The following SRGAP3 variants were observed in gnomAD, a reference collection of about 807,000 sequenced individuals.
SRGAP3 encodes SLIT-ROBO Rho GTPase activating protein 3.
Under a neutral mutation model 121.1 loss-of-function variants are expected in SRGAP3, and 39 were observed. That is an observed-to-expected ratio of 0.32 (90% CI 0.25 to 0.42). The LOEUF (loss-of-function observed/expected upper bound fraction) is 0.42, where lower values mean the gene tolerates loss of function less well. SRGAP3 is among the 10% of genes least tolerant of loss of function. The pLI is 1.00. For missense variants in SRGAP3, 1,213 were observed against 1,470.6 expected (o/e 0.82, Z 2.86); for synonymous variants, 601 against 570.0 (o/e 1.05, Z -0.77).
At chr3:9,280,713 C>G (rs752821048) in intron 3 of SRGAP3, among the ~76,000 whole-genome samples, 3 of 152,164 alleles carry the variant, frequency 2.0e-5, no homozygotes, top group Non-Finnish European at 2.9e-5. Context: ...TATGACAGTA[C>G]CCACTCGACA....
chr3:9,183,819 C>G (rs1332236940), intron 1 of SRGAP3, among the ~76,000 whole-genome samples: 1 of 151,806 alleles, frequency 6.6e-6, no homozygotes, highest in Non-Finnish European at 1.5e-5. Context: ...CACCTAAAGA[C>G]CTTCTCAGTC....
chr3:9,236,629 C>T (rs1953420638), intron 1 of SRGAP3, among the ~76,000 whole-genome samples: 1 of 152,122 alleles, frequency 6.6e-6, no homozygotes, highest in African/African-American at 2.4e-5. Context: ...GCCTGCTTCC[C>T]CTTCACCTTC....
chr3:9,162,453 G>A (rs1422738933), intron 1 of SRGAP3, among the ~76,000 whole-genome samples: 3 of 152,090 alleles, frequency 2.0e-5, no homozygotes, highest in Non-Finnish European at 4.4e-5. Context: ...GTACATGGGC[G>A]ATTTCAATCC....
chr3:9,311,320 A>G (rs1042280216), intron 3 of SRGAP3, among the ~76,000 whole-genome samples: 1 of 152,260 alleles, frequency 6.6e-6, no homozygotes, highest in Non-Finnish European at 1.5e-5. Context: ...ACATTTCAAT[A>G]CACGTAAAGT....
intron 3 of SRGAP3, among the ~76,000 whole-genome samples, chr3:9,295,124 T>C (rs1954931276): frequency 1.3e-5 from 2 of 152,196 alleles, no homozygotes; most frequent in African/African-American, 4.8e-5. Context: ...TAAAAGATCT[T>C]ATGGGTGCCA....
intron 1 of SRGAP3, among the ~76,000 whole-genome samples, chr3:9,141,013 C>T (rs187568339): frequency 2.0e-5 from 3 of 152,188 alleles, no homozygotes; most frequent in Non-Finnish European, 4.4e-5. Flanking sequence ...ATGAAGAACA[C>T]AAGATCTGAC....
intron 18 of SRGAP3, chr3:9,007,142 GTTT>G (rs113844011): frequency 2.7e-5 from 4 of 150,852 alleles, no homozygotes; most frequent in African/African-American, 9.8e-5. Context: ...TTGTATTTTG[GTTT>G]TTTTTGTAGA....
chr3:8,997,722 AAC>A (rs1942491152), intron 18 of SRGAP3, among the ~76,000 whole-genome samples: 1 of 152,212 alleles, frequency 6.6e-6, no homozygotes, highest in Non-Finnish European at 1.5e-5. Context: ...ACATGCATGG[AAC>A]ACAACTAAAT....
intron 1 of SRGAP3, among the ~76,000 whole-genome samples, chr3:9,333,442 G>A (rs1242793875): frequency 2.0e-5 from 3 of 152,054 alleles, no homozygotes; most frequent in Non-Finnish European, 4.4e-5. Flanking sequence ...TTCTTGGTCT[G>A]TTCCCTTTGT....
intron 1 of SRGAP3, among the ~76,000 whole-genome samples, chr3:9,341,088 A>C (rs1263614093): frequency 6.6e-6 from 1 of 152,226 alleles, no homozygotes; most frequent in African/African-American, 2.4e-5. Context: ...TCCTCTTCTT[A>C]TAAAGCCAGA....
chr3:9,290,572 GTTTCC>G (rs1290124763), intron 3 of SRGAP3, among the ~76,000 whole-genome samples: 2 of 152,102 alleles, frequency 1.3e-5, no homozygotes, highest in Non-Finnish European at 2.9e-5. Context: ...TTATATTATT[GTTTCC>G]TTTCAAGTAG....
rs373709294 is a variant in SRGAP3 at position 8,985,641 on chromosome 3, C to A, written c.3178G>T (p.Val1060Leu). The change falls in exon 22 of 22, where the codon GTG (valine) becomes TTG (leucine). Residue 1060 changes from valine (V) to leucine (L), a missense_variant. Val to Leu is a conservative substitution (Grantham distance 32). Around this residue, in one of 2 missense-constraint regions of SRGAP3, gnomAD observed 420 missense variants for 437.7 expected, o/e 0.96. Transcript: ENST00000383836. The surrounding 1 kb of genome is among the most constrained non-coding windows in gnomAD (Gnocchi z 5.1). The part of the protein sequence containing the change: ...AQLRPPPMRP[V>L]RPVVQHRSSS... Reference sequence around the variant, plus strand: ...GACCGGTGCTGGACCACCGGCCGCACGGGCCGCATGGGGGGCGGGCGGAGC... The same window carrying A: ...GACCGGTGCTGGACCACCGGCCGCAAGGGCCGCATGGGGGGCGGGCGGAGC... The A allele has an allele frequency of 8.2e-5, 131 of 1,594,968 alleles. No individual in the cohort carries two copies. Among genetic ancestry groups the A allele is most frequent in the Non-Finnish European group, 9.9e-5 (116 of 1,177,664 alleles).
At chr3:9,073,116 T>G (rs532116462) in intron 4 of SRGAP3, among the ~76,000 whole-genome samples, 2 of 152,338 alleles carry the variant, frequency 1.3e-5, no homozygotes, top group South Asian at 4.1e-4. Context: ...CCACAATAAA[T>G]GCAGGTTCGT....
intron 1 of SRGAP3, among the ~76,000 whole-genome samples, chr3:9,360,235 C>T (rs1030298990): frequency 2.0e-5 from 3 of 152,154 alleles, no homozygotes; most frequent in Non-Finnish European, 4.4e-5. Context: ...AGTTTGTGTA[C>T]AAGTTTTTGT....
chr3:9,150,624 G>T (rs1327234622), intron 1 of SRGAP3, among the ~76,000 whole-genome samples: 1 of 152,152 alleles, frequency 6.6e-6, no homozygotes, highest in Non-Finnish European at 1.5e-5. Flanking sequence ...AAAGCTGCAG[G>T]TTCTCTGCTG....
At chr3:8,997,106 G>A (rs1942454002) in intron 18 of SRGAP3, among the ~76,000 whole-genome samples, 1 of 152,216 alleles carries the variant, frequency 6.6e-6, no homozygotes, top group Non-Finnish European at 1.5e-5. Flanking sequence ...GGTGGAAACA[G>A]TAATAACAGC....
chr3:8,996,713 A>T (rs189076252), intron 18 of SRGAP3, among the ~76,000 whole-genome samples: 107 of 152,324 alleles, frequency 7.0e-4, no homozygotes, highest in Admixed American at 8.5e-4. Flanking sequence ...CGTGTGCTGG[A>T]ACTGCCTGCT....
chr3:9,226,995 C>A (rs1279437247), intron 1 of SRGAP3, among the ~76,000 whole-genome samples: 1 of 152,094 alleles, frequency 6.6e-6, no homozygotes, highest in Non-Finnish European at 1.5e-5. Context: ...GTCAAAAAAA[C>A]CCACCTGCCC....
At chr3:9,279,906 G>A (rs551777609) in intron 3 of SRGAP3, among the ~76,000 whole-genome samples, 1 of 152,296 alleles carries the variant, frequency 6.6e-6, no homozygotes, top group East Asian at 1.9e-4. Context: ...CAAAGGTCAA[G>A]GTCAGCCTCA....
Sources: allele counts gnomAD v4.1 joint callset (sites outside exome capture counted in the v4.1 genomes callset), GRCh38; gene constraint gnomAD v4.1.1; regional missense constraint gnomAD v4.1.1; non-coding constraint Gnocchi (gnomAD v3.1); transcripts MANE v1.5; gene names NCBI Gene and HGNC (gene_info 2026-07-23, HGNC 2026-07-21).